KCNJ6: variants seen among roughly 807,000 people sequenced by gnomAD.
KCNJ6 encodes the protein G protein-activated inward rectifier potassium channel 2.
In KCNJ6, 9 loss-of-function variants were observed where a neutral mutation model predicts 34.2. That is an observed-to-expected ratio of 0.26 (90% CI 0.16 to 0.46). The LOEUF (loss-of-function observed/expected upper bound fraction) is 0.46, where lower values mean the gene tolerates loss of function less well. Among genes scored for constraint, KCNJ6 ranks in the 20% least tolerant of loss-of-function variants. The probability of loss-of-function intolerance (pLI) is 1.00; values close to 1 mark genes in which losing one functional copy is unlikely to be tolerated. For missense variants in KCNJ6, 236 were observed against 531.3 expected, an observed-to-expected ratio of 0.44 and a Z score of 5.46; for synonymous variants, 196 against 207.1, an observed-to-expected ratio of 0.95 and a Z score of 0.46.
At chr21:37,633,652 CT>C (rs2054343671) in intron 3 of KCNJ6, among the ~76,000 whole-genome samples, 1 of 152,052 alleles carries the variant, frequency 6.6e-6, no homozygotes, top group Non-Finnish European at 1.5e-5. Context: ...ACTTATGTAT[CT>C]TTTTATATAC....
intron 2 of KCNJ6, among the ~76,000 whole-genome samples, chr21:37,739,789 G>A (rs1291462073): frequency 1.3e-5 from 2 of 152,014 alleles, no homozygotes; most frequent in Non-Finnish European, 2.9e-5. Flanking sequence ...AAAGCTCCTG[G>A]AAAAACGGGC....
chr21:37,788,124 A>G (rs2055200516), intron 2 of KCNJ6, among the ~76,000 whole-genome samples: 1 of 152,238 alleles, frequency 6.6e-6, no homozygotes, highest in Admixed American at 6.5e-5. Flanking sequence ...GTCAGTGGTT[A>G]TTGATCACAT....
At chr21:37,648,051 A>T (rs2054413811) in intron 3 of KCNJ6, among the ~76,000 whole-genome samples, 1 of 152,228 alleles carries the variant, frequency 6.6e-6, no homozygotes, top group Non-Finnish European at 1.5e-5. Context: ...AAGCCTTTCC[A>T]GCCTGGGTTA....
intron 3 of KCNJ6, among the ~76,000 whole-genome samples, chr21:37,640,022 T>A (rs1345719560): frequency 3.3e-5 from 5 of 152,196 alleles, no homozygotes; most frequent in Non-Finnish European, 5.9e-5. Flanking sequence ...GATTACCCAG[T>A]CTATAGCAGT....
intron 2 of KCNJ6, among the ~76,000 whole-genome samples, chr21:37,760,544 G>A (rs1601459027): frequency 6.6e-6 from 1 of 152,212 alleles, no homozygotes; most frequent in South Asian, 2.1e-4. Flanking sequence ...ACAGCGTGAG[G>A]CTTCTGACAG....
chr21:37,619,788 C>A lies in KCNJ6; in HGVS notation c.*5371G>T, dbSNP rs375263975. 5.3e-5 allele frequency: 8 copies of A among 152,204 alleles called. No homozygotes were observed. Among genetic ancestry groups the A allele is most frequent in the Non-Finnish European group, 1.2e-4 (8 of 68,064 alleles). The allele number at this position is 152,204 out of a possible 1,614,324, so 9.4% of individuals were successfully genotyped here. A position where few individuals can be genotyped will look rare whatever the true frequency, so the allele number is the denominator to read the frequency against. ...AGCCTGAGCTATGTACATCATCCAA[C>A]GCCTGAGGGTGCCACTGAAGCAATA... On this transcript the variant is annotated 3_prime_UTR_variant, in exon 4 of 4. Coordinates refer to ENST00000609713, the MANE Select transcript of KCNJ6 (RefSeq NM_002240.5).
chr21:37,798,046 G>T (rs1371026762), intron 2 of KCNJ6, among the ~76,000 whole-genome samples: 2 of 152,158 alleles, frequency 1.3e-5, no homozygotes, highest in Non-Finnish European at 2.9e-5. Context: ...CTCCTTTTAG[G>T]TCACTCCTCT....
intron 2 of KCNJ6, among the ~76,000 whole-genome samples, chr21:37,810,937 T>C (rs369657582): frequency 2.8e-3 from 434 of 152,352 alleles, no homozygotes; most frequent in Middle Eastern, 6.8e-3. Flanking sequence ...AATTTTATTT[T>C]AATGAGGCAA....
At chr21:37,807,745 T>C (rs2055300869) in intron 2 of KCNJ6, among the ~76,000 whole-genome samples, 1 of 152,234 alleles carries the variant, frequency 6.6e-6, no homozygotes, top group Non-Finnish European at 1.5e-5. Context: ...GAACTCTCTC[T>C]GAATGTATCC....
chr21:37,788,343 A>G (rs997366626), intron 2 of KCNJ6, among the ~76,000 whole-genome samples: 2 of 152,108 alleles, frequency 1.3e-5, no homozygotes, highest in Admixed American at 6.5e-5. Context: ...TGTTCCCTCT[A>G]ATTTTCTTTG....
intron 2 of KCNJ6, among the ~76,000 whole-genome samples, chr21:37,774,749 T>C (rs2055134055): frequency 6.6e-6 from 1 of 152,202 alleles, no homozygotes; most frequent in African/African-American, 2.4e-5. Flanking sequence ...CAGTCTATCA[T>C]TGATGGACAT....
At chr21:37,890,021 G>C (rs755234864) in intron 1 of KCNJ6, among the ~76,000 whole-genome samples, 5 of 152,108 alleles carry the variant, frequency 3.3e-5, no homozygotes, top group Admixed American at 6.5e-5. Flanking sequence ...TGGATGCTGG[G>C]TTTAGATAAA....
At chr21:37,869,248 C>T (rs893758505) in intron 1 of KCNJ6, among the ~76,000 whole-genome samples, 3 of 152,240 alleles carry the variant, frequency 2.0e-5, no homozygotes, top group East Asian at 1.9e-4. Flanking sequence ...CCTCCACGGC[C>T]GAGCCCTCAT....
At chr21:37,684,234 C>G (rs190983581) in intron 3 of KCNJ6, among the ~76,000 whole-genome samples, 1 of 152,108 alleles carries the variant, frequency 6.6e-6, no homozygotes, top group Non-Finnish European at 1.5e-5. Context: ...GCCTCTCCCC[C>G]GGGTTATGGT....
chr21:37,873,389 G>T (rs1418577013), intron 1 of KCNJ6, among the ~76,000 whole-genome samples: 1 of 152,176 alleles, frequency 6.6e-6, no homozygotes, highest in Non-Finnish European at 1.5e-5. Context: ...ACTAAACCAG[G>T]TGAATAACTT....
At chr21:37,915,298 A>G (rs547694113) in intron 1 of KCNJ6, among the ~76,000 whole-genome samples, 64 of 152,306 alleles carry the variant, frequency 4.2e-4, no homozygotes, top group African/African-American at 1.5e-3. Context: ...TACTCCTAGG[A>G]AGATCTTCCT....
intron 3 of KCNJ6, among the ~76,000 whole-genome samples, chr21:37,636,604 C>T (rs139071742): frequency 2.0e-5 from 3 of 152,240 alleles, no homozygotes; most frequent in East Asian, 3.9e-4. Context: ...GAAGGGAGTG[C>T]GTGTTACGGG....
intron 2 of KCNJ6, among the ~76,000 whole-genome samples, chr21:37,809,079 T>C (rs2055308137): frequency 1.3e-5 from 2 of 152,330 alleles, no homozygotes; most frequent in African/African-American, 2.4e-5. Flanking sequence ...TGCACACATA[T>C]GTTTATTGCG....
At chr21:37,802,388 A>C (rs2123533146) in intron 2 of KCNJ6, among the ~76,000 whole-genome samples, 1 of 147,630 alleles carries the variant, frequency 6.8e-6, no homozygotes, top group Admixed American at 6.7e-5. Context: ...GCTCTTGTGA[A>C]GGGGAGATGG....
Sources: allele counts gnomAD v4.1 joint callset (sites outside exome capture counted in the v4.1 genomes callset), GRCh38; gene constraint gnomAD v4.1.1; transcripts MANE v1.5; gene names NCBI Gene and HGNC (gene_info 2026-07-23, HGNC 2026-07-21).